The following PALS2 variants were observed in gnomAD, a reference collection of about 807,000 sequenced individuals.
PALS2 encodes protein PALS2.
A neutral mutation model predicts 61.6 loss-of-function variants in PALS2; 27 were observed. That is an observed-to-expected ratio of 0.44 (90% confidence interval 0.32 to 0.60). The LOEUF (loss-of-function observed/expected upper bound fraction) is 0.60. Among genes scored for constraint, PALS2 ranks in the 20% least tolerant of loss-of-function variants. The probability of loss-of-function intolerance (pLI) is 0.05; values close to 1 mark genes in which losing one functional copy is unlikely to be tolerated. For missense variants in PALS2, 554 were observed against 639.4 expected, an observed-to-expected ratio of 0.87 and a Z score of 1.44; for synonymous variants, 236 against 218.6, an observed-to-expected ratio of 1.08 and a Z score of -0.70.
At chr7:24,649,466 TG>T in intron 3 of PALS2, 145 bp from the exon 4 acceptor site, 2 of 441,442 alleles carry the variant, frequency 4.5e-6, no homozygotes, top group Non-Finnish European at 7.7e-6. Flanking sequence ...TATATTTATT[TG>T]ATCAACCTGA....
intron 1 of PALS2, among the ~76,000 whole-genome samples, chr7:24,607,538 TAC>T (rs1427567030): frequency 2.6e-5 from 4 of 151,808 alleles, no homozygotes; most frequent in African/African-American, 9.7e-5. Flanking sequence ...TGTGTATATA[TAC>T]ACGTGTATAT....
chr7:24,680,600 A>T lies in PALS2; in HGVS notation c.1446+80A>T, dbSNP rs570164996. On this transcript the variant is annotated intron_variant, in intron 11 of 11. Transcript: ENST00000222644. ...TTTAACTGTTATCTAATTTATTTTT[A>T]TTTATTTATTTTTGAGGCAGAGTTT... The T allele has an allele frequency of 1.7e-4, 244 of 1,438,540 alleles. 2 individuals are homozygous for T. The East Asian group carries it at 4.7e-3, about 28-fold the overall frequency. The allele number at this position is 1,438,540 out of a possible 1,614,324, so 89.1% of individuals were successfully genotyped here. A position where few individuals can be genotyped will look rare whatever the true frequency, so the allele number is the denominator to read the frequency against.
intron 5 of PALS2, among the ~76,000 whole-genome samples, chr7:24,653,041 AG>A (rs111259186): frequency 2.9e-4 from 44 of 152,360 alleles, no homozygotes; most frequent in African/African-American, 1.0e-3. Flanking sequence ...GCCAACTGAT[AG>A]GAATTCTCTC....
chr7:24,668,354 T>C, intron 8 of PALS2, 145 bp from the exon 9 acceptor site: 1 of 699,242 alleles, frequency 1.4e-6, no homozygotes, highest in South Asian at 2.4e-5. Context: ...TTACCAAATT[T>C]GTAAAAACAA....
chr7:24,575,603 T>C (rs542974084), intron 1 of PALS2, among the ~76,000 whole-genome samples: 3 of 152,320 alleles, frequency 2.0e-5, no homozygotes, highest in East Asian at 1.9e-4. Flanking sequence ...ATATTTACTA[T>C]CCCTTTACAT....
intron 1 of PALS2, among the ~76,000 whole-genome samples, chr7:24,581,692 C>T (rs796675893): frequency 2.0e-4 from 30 of 152,270 alleles, no homozygotes; most frequent in African/African-American, 7.0e-4. Context: ...AGGGCAGCCC[C>T]CCTCAACAAG....
chr7:24,649,855 CATA>C (rs1205766243), intron 4 of PALS2, 91 bp downstream of exon 4: 1 of 1,228,404 alleles, frequency 8.1e-7, no homozygotes, highest in Non-Finnish European at 1.1e-6. Flanking sequence ...TTTTCCTTTT[CATA>C]ATGTTATGAA....
Position 24,619,717 on chromosome 7 carries a change from CAAAAAAAAAA to C in PALS2, c.-2-3940_-2-3931del, listed in dbSNP as rs11366774. 1.1e-3 allele frequency among the ~76,000 whole-genome samples: 112 copies of C among 101,940 alleles called. 2 individuals carry two copies. In the East Asian group the frequency reaches 0.032, roughly 29 times the overall value. 66.9% of individuals were successfully genotyped at this position (101,940 alleles called of 152,430 possible). A position where few individuals can be genotyped will look rare whatever the true frequency, so the allele number is the denominator to read the frequency against. On this transcript the variant is annotated intron_variant, in intron 1 of 11. Coordinates refer to ENST00000222644, the MANE Select transcript of PALS2 (RefSeq NM_001303037.2). ...TGGGCAACAGAGCGAGACTCTGTCTCAAAAAAAAAAAAAAAAAAGAAAGAAAAAAGAATCC... is the reference window on the plus strand; with the variant it reads ...TGGGCAACAGAGCGAGACTCTGTCTCAAAAAAAAGAAAGAAAAAAGAATCC...
chr7:24,593,324 A>C (rs1284083225), intron 1 of PALS2, among the ~76,000 whole-genome samples: 1 of 152,108 alleles, frequency 6.6e-6, no homozygotes, highest in African/African-American at 2.4e-5. Context: ...TGAAGTCTTG[A>C]ATCCCTCAAA....
At chr7:24,575,027 T>A (rs1782593831) in intron 1 of PALS2, among the ~76,000 whole-genome samples, 1 of 152,186 alleles carries the variant, frequency 6.6e-6, no homozygotes, top group Non-Finnish European at 1.5e-5. Context: ...TTGAGGTCAT[T>A]TGTACCTTAA....
chr7:24,646,254 G>A (rs1348201729), intron 3 of PALS2, among the ~76,000 whole-genome samples: 1 of 152,118 alleles, frequency 6.6e-6, no homozygotes, highest in East Asian at 1.9e-4. Flanking sequence ...AGTGCTTCCA[G>A]CTTTTGCCCA....
Position 24,680,500 on chromosome 7 carries a change from A to G in PALS2, c.1426A>G (p.Ile476Val), listed in dbSNP as rs1787865003. The change falls in exon 11 of 12, where the codon ATC becomes GTC. Residue 476 changes from isoleucine (I) to valine (V), a missense_variant. Physicochemically the swap from Ile to Val is conservative, Grantham distance 29. Transcript: ENST00000222644. ...AMHKAVVDAG[I>V]TTKLLTDSDL... ...GCACAAGGCTGTGGTGGATGCAGGAATCACTACCAAGCTTCTGACCGTGAG... is the reference window on the plus strand; with the variant it reads ...GCACAAGGCTGTGGTGGATGCAGGAGTCACTACCAAGCTTCTGACCGTGAG... 1.2e-6 allele frequency: 2 copies of G among 1,613,964 alleles called. No homozygotes were observed. The highest frequency in any genetic ancestry group is 1.7e-6 in the Non-Finnish European group (2 of 1,179,870).
chr7:24,642,733 TGAGA>T (rs766573227), intron 3 of PALS2, among the ~76,000 whole-genome samples: 6 of 152,158 alleles, frequency 3.9e-5, no homozygotes, highest in Non-Finnish European at 8.8e-5. Flanking sequence ...AGGTTTATAG[TGAGA>T]TGGTTCCGAC....
At chr7:24,678,412 T>C (rs1284986185) in intron 9 of PALS2, among the ~76,000 whole-genome samples, 2 of 152,204 alleles carry the variant, frequency 1.3e-5, no homozygotes, top group African/African-American at 4.8e-5. Flanking sequence ...CGTCTAGCTC[T>C]ACCACTGAAG....
chr7:24,668,764 G>C, intron 9 of PALS2, 104 bp downstream of exon 9: 17 of 1,390,898 alleles, frequency 1.2e-5, no homozygotes, highest in Non-Finnish European at 1.7e-5. Context: ...TCCCAAATAA[G>C]TTTTCTTTAT....
At chr7:24,681,692 C>A (rs1484830455) in intron 11 of PALS2, among the ~76,000 whole-genome samples, 3 of 152,080 alleles carry the variant, frequency 2.0e-5, no homozygotes, top group African/African-American at 7.2e-5. Context: ...ATCAGTTTGG[C>A]CACATATTTG....
In PALS2 at chr7:24,693,003, A is replaced by C. The variant is rs2128042397; in HGVS notation, c.*5389A>C. ...AATTGCTTCTCAGTCATTGGCTGAT[A>C]ATGCAATGGTGTGATAAATTTGACT... On this transcript the variant is annotated 3_prime_UTR_variant, in exon 12 of 12. Coordinates refer to ENST00000222644, the MANE Select transcript of PALS2 (RefSeq NM_001303037.2). The C allele has an allele frequency of 6.6e-6, 1 of 152,312 alleles. No homozygotes were observed. The highest frequency in any genetic ancestry group is 2.1e-4 in the South Asian group (1 of 4,822). 9.4% of individuals were successfully genotyped at this position (152,312 alleles called of 1,614,324 possible). A position where few individuals can be genotyped will look rare whatever the true frequency, so the allele number is the denominator to read the frequency against.
chr7:24,619,355 A>G (rs1276097206), intron 1 of PALS2, among the ~76,000 whole-genome samples: 2 of 152,102 alleles, frequency 1.3e-5, no homozygotes, highest in African/African-American at 2.4e-5. Context: ...TTGGTGATTC[A>G]TGGTTTATTC....
chr7:24,665,638 C>T lies in PALS2; in HGVS notation c.834C>T (p.Phe278=). The T allele has an allele frequency of 6.2e-7, 1 of 1,613,710 alleles. No individual in the cohort carries two copies. Among genetic ancestry groups the T allele is most frequent in the Non-Finnish European group, 8.5e-7 (1 of 1,179,714 alleles). Residue 278 remains phenylalanine, a synonymous_variant, in exon 7 of 12, where the codon TTC becomes TTT. Coordinates refer to ENST00000222644, the MANE Select transcript of PALS2 (RefSeq NM_001303037.2). ...GGSAGLIPSQ[F]LEEKRKAFVR... ...GCGCTGGTCTCATTCCAAGCCAGTT[C>T]CTGGAAGAGAAGAGAAAGGCATTTG...
Sources: allele counts gnomAD v4.1 joint callset (sites outside exome capture counted in the v4.1 genomes callset), GRCh38; gene constraint gnomAD v4.1.1; transcripts MANE v1.5; gene names NCBI Gene and HGNC (gene_info 2026-07-23, HGNC 2026-07-21).